SPSB1: variants seen among roughly 807,000 people sequenced by gnomAD.
SPSB1 encodes splA/ryanodine receptor domain and SOCS box containing 1, also known as SPRY domain-containing SOCS box protein 1.
In SPSB1, 8 loss-of-function variants were observed where a neutral mutation model predicts 21.2. That is an observed-to-expected ratio of 0.38 (90% CI 0.22 to 0.68). SPSB1 has a LOEUF of 0.68. Among genes scored for constraint, SPSB1 ranks in the 30% least tolerant of loss-of-function variants. SPSB1 has a pLI of 0.53. For synonymous variants in SPSB1, 169 were observed against 161.7 expected (o/e 1.05, Z -0.34); for missense variants, 242 against 377.8 (o/e 0.64, Z 2.98).
Position 9,348,441 on chromosome 1 carries a change from C to T in SPSB1, c.-149-7302C>T, listed in dbSNP as rs1429979068. Among the ~76,000 whole-genome samples the T allele has an allele frequency of 6.6e-6, 1 of 151,978 alleles. No homozygotes were observed. The highest frequency in any genetic ancestry group is 1.9e-4 in the East Asian group (1 of 5,172). On this transcript the variant is annotated intron_variant, in intron 1 of 2. Coordinates refer to ENST00000328089, the MANE Select transcript of SPSB1 (RefSeq NM_025106.4). The surrounding 1 kb of genome is among the most constrained non-coding windows in gnomAD (Gnocchi z 4.8). ...CCTCAGCCTTCAGAGAGAATGGCTG[C>T]CCTAGATCATTAAAGGCTGAAGACA...
intron 1 of SPSB1, among the ~76,000 whole-genome samples, chr1:9,329,236 G>A (rs138124874): frequency 1.5e-3 from 227 of 152,276 alleles, no homozygotes; most frequent in African/African-American, 4.7e-3. Flanking sequence ...AGGGTTTGTG[G>A]GTGGGGGGAA....
intron 1 of SPSB1, among the ~76,000 whole-genome samples, chr1:9,295,611 T>C (rs973625139): frequency 6.6e-6 from 1 of 152,128 alleles, no homozygotes; most frequent in African/African-American, 2.4e-5. Flanking sequence ...ATCACAGATG[T>C]TGAATTTCTT....
intron 1 of SPSB1, among the ~76,000 whole-genome samples, chr1:9,325,930 G>C (rs572995030): frequency 2.5e-4 from 38 of 152,188 alleles, no homozygotes; most frequent in African/African-American, 9.2e-4. Flanking sequence ...AGCTTGGCAG[G>C]TACCAGGAAC....
rs1640227354 is a variant in SPSB1, at chr1:9,349,807, C to T, written c.-149-5936C>T. ...TTTTTCTCTCTTGACCCTTCCTGATCTTTACTTTAATCTGATCTTACTTGT... is the reference window on the plus strand; with the variant it reads ...TTTTTCTCTCTTGACCCTTCCTGATTTTTACTTTAATCTGATCTTACTTGT... On this transcript the variant is annotated intron_variant, in intron 1 of 2. Coordinates refer to ENST00000328089, the MANE Select transcript of SPSB1 (RefSeq NM_025106.4). 2.0e-5 allele frequency among the ~76,000 whole-genome samples: 3 copies of T among 152,182 alleles called. No individual in the cohort carries two copies. In the South Asian group the frequency reaches 6.2e-4, roughly 32 times the overall value.
At position 9,368,398 on chromosome 1, in the gene SPSB1, G is replaced by C. The variant is rs987766901; in HGVS notation, c.*823G>C. ...TGCCCTGCAGTTTCCAGGGGGCTCTGCTCCAAGTTCCCTAGCGGGCCCCTC... is the reference window on the plus strand; with the variant it reads ...TGCCCTGCAGTTTCCAGGGGGCTCTCCTCCAAGTTCCCTAGCGGGCCCCTC... On this transcript the variant is annotated 3_prime_UTR_variant, in exon 3 of 3. Transcript: ENST00000328089. 3 of 152,170 alleles carry C rather than the reference G, an allele frequency of 2.0e-5. No individual in the cohort carries two copies. Among genetic ancestry groups the C allele is most frequent in the African/African-American group, 7.2e-5 (3 of 41,434 alleles). 9.4% of individuals were successfully genotyped at this position (152,170 alleles called of 1,614,324 possible).
At chr1:9,302,458 T>A (rs1639350569) in intron 1 of SPSB1, among the ~76,000 whole-genome samples, 1 of 152,152 alleles carries the variant, frequency 6.6e-6, no homozygotes, top group Non-Finnish European at 1.5e-5. Context: ...GTGGGGAGGA[T>A]CTGCCCTCCA....
At chr1:9,352,334 C>T (rs998204693) in intron 1 of SPSB1, among the ~76,000 whole-genome samples, 2 of 152,170 alleles carry the variant, frequency 1.3e-5, no homozygotes, top group Non-Finnish European at 2.9e-5. Flanking sequence ...CCCCACCATC[C>T]GGATAATGCC....
At chr1:9,337,561 C>T (rs905193235) in intron 1 of SPSB1, among the ~76,000 whole-genome samples, 13 of 152,168 alleles carry the variant, frequency 8.5e-5, no homozygotes, top group African/African-American at 3.1e-4. Context: ...CACCCCAGCC[C>T]TCTGCGGGCT....
At chr1:9,357,542 C>T (rs568740139) in intron 2 of SPSB1, among the ~76,000 whole-genome samples, 113 of 152,328 alleles carry the variant, frequency 7.4e-4, no homozygotes, top group African/African-American at 2.6e-3. Flanking sequence ...CTCTCTCACT[C>T]ATTAGACAGG....
intron 1 of SPSB1, among the ~76,000 whole-genome samples, chr1:9,347,746 C>T (rs1640186799): frequency 6.6e-6 from 1 of 152,004 alleles, no homozygotes; most frequent in Admixed American, 6.6e-5. Context: ...CTGTGGAGGC[C>T]TATAGGGTTT....
intron 1 of SPSB1, among the ~76,000 whole-genome samples, chr1:9,312,202 C>G (rs538019346): frequency 6.6e-6 from 1 of 152,014 alleles, no homozygotes; most frequent in South Asian, 2.1e-4. Context: ...GAATCTCGCT[C>G]TGTCACCCAG....
rs556247213 is a variant in SPSB1, at chr1:9,311,089, C to G, written c.-150+18018C>G. On this transcript the variant is annotated intron_variant, in intron 1 of 2. Coordinates refer to ENST00000328089, the MANE Select transcript of SPSB1 (RefSeq NM_025106.4). ...CTTTCTTCTCCCGCCTCTAGCCTCCCAGGCTCCCTGAAAGCCAAGTCCTTA... is the reference window on the plus strand; with the variant it reads ...CTTTCTTCTCCCGCCTCTAGCCTCCGAGGCTCCCTGAAAGCCAAGTCCTTA... 1.7e-4 allele frequency among the ~76,000 whole-genome samples: 26 copies of G among 152,096 alleles called. No individual in the cohort carries two copies. The East Asian group carries it at 4.2e-3, about 25-fold the overall frequency.
At chr1:9,336,600 CG>C in intron 1 of SPSB1, among the ~76,000 whole-genome samples, 1 of 152,302 alleles carries the variant, frequency 6.6e-6, no homozygotes, top group Admixed American at 6.5e-5. Context: ...TGCCCGCGTG[CG>C]TTCAAGGAAG....
chr1:9,298,399 TGAGTGAAC>T (rs1429256409), intron 1 of SPSB1, among the ~76,000 whole-genome samples: 9 of 107,770 alleles, frequency 8.4e-5, no homozygotes, highest in African/African-American at 4.3e-4. Context: ...AATGAATGAA[TGAGTGAAC>T]GAATGAATGA....
At chr1:9,300,141 T>C (rs1284808980) in intron 1 of SPSB1, among the ~76,000 whole-genome samples, 2 of 152,170 alleles carry the variant, frequency 1.3e-5, no homozygotes, top group Non-Finnish European at 2.9e-5. Context: ...CTTAGTGAAA[T>C]TTCTCGGGGT....
chr1:9,303,243 AAGGATACAATCCAGGCAGGACTGT>A (rs1557444808), intron 1 of SPSB1, among the ~76,000 whole-genome samples: 1 of 152,234 alleles, frequency 6.6e-6, no homozygotes. Flanking sequence ...GGGAAATTAC[AAGGATACAATCCAGGCAGGACTGT>A]GAATGACTCA....
chr1:9,331,511 T>C (rs1639919431), intron 1 of SPSB1, among the ~76,000 whole-genome samples: 2 of 152,132 alleles, frequency 1.3e-5, no homozygotes, highest in South Asian at 4.1e-4. Context: ...TTTGTATTTT[T>C]AGTAGAAACG....
chr1:9,326,207 C>T (rs949963736), intron 1 of SPSB1, among the ~76,000 whole-genome samples: 7 of 152,076 alleles, frequency 4.6e-5, no homozygotes, highest in Non-Finnish European at 5.9e-5. Flanking sequence ...GAGAAGACTT[C>T]TTCAATAACA....
chr1:9,323,667 G>A (rs558548779), intron 1 of SPSB1, among the ~76,000 whole-genome samples: 38 of 152,320 alleles, frequency 2.5e-4, no homozygotes, highest in Middle Eastern at 3.4e-3. Context: ...ATGGCTGCCC[G>A]CGCGTCTCCA....
Sources: allele counts gnomAD v4.1 joint callset (sites outside exome capture counted in the v4.1 genomes callset), GRCh38; gene constraint gnomAD v4.1.1; non-coding constraint Gnocchi (gnomAD v3.1); transcripts MANE v1.5; gene names NCBI Gene and HGNC (gene_info 2026-07-23, HGNC 2026-07-21).